Variants in CHST6 observed in about 807,000 individuals in gnomAD.
CHST6 encodes N-acetylglucosamine 6-O-sulfotransferase 5.
For missense variants in CHST6, 698 were observed against 586.2 expected (o/e 1.19, Z -1.97); for synonymous variants, 309 against 276.4 (o/e 1.12, Z -1.17).
chr16:75,474,583 T>C lies in CHST6; in HGVS notation c.*4058A>G. The C allele has an allele frequency of 2.5e-6, 1 of 398,536 alleles. No individual in the cohort carries two copies. The highest frequency in any genetic ancestry group is 1.3e-4 in the South Asian group (1 of 7,854). The allele number at this position is 398,536 out of a possible 1,614,324, so 24.7% of individuals were successfully genotyped here. On this transcript the variant is annotated 3_prime_UTR_variant, in exon 3 of 3. Transcript: ENST00000332272. ...GAGCCACTGAACCCAGCAAGGGTCA[T>C]ATATAATAAATAGAAGTGTATTGGC...
Position 75,479,176 on chromosome 16 carries a change from A to G in CHST6, c.653T>C (p.Leu218Pro), listed in dbSNP as rs1329556823. 1.1e-5 allele frequency: 17 copies of G among 1,608,186 alleles called. No individual in the cohort carries two copies. The highest frequency in any genetic ancestry group is 1.4e-5 in the Non-Finnish European group (16 of 1,179,044). Residue 218 changes from leucine (L) to proline (P), a missense_variant, in exon 3 of 3, where the codon CTG (leucine) becomes CCG (proline). By Grantham distance (98) the Leu-to-Pro change is moderately conservative. Coordinates refer to ENST00000332272, the MANE Select transcript of CHST6 (RefSeq NM_021615.5). ...CAGCACGATGCCGTTGTCACGCGCC[A>G]GAGCCTTGGCTGTCTGCTCCCGGGA... ...LRSREQTAKA[L>P]ARDNGIVLGT...
At chr16:75,489,378 A>G in intron 1 of CHST6, among the ~76,000 whole-genome samples, 1 of 150,166 alleles carries the variant, frequency 6.7e-6, no homozygotes, top group African/African-American at 2.5e-5. Context: ...CAGCCTGGGC[A>G]ACAAAGCAAG....
chr16:75,491,218 T>TATATATATATATATATAA (rs1384245947), intron 1 of CHST6, among the ~76,000 whole-genome samples: 1 of 97,672 alleles, frequency 1.0e-5, no homozygotes, highest in Non-Finnish European at 1.9e-5. Flanking sequence ...TATATATATA[T>TATATATATATATATATAA]AAAATATAAT....
chr16:75,487,754 G>C (rs181412446), intron 1 of CHST6, among the ~76,000 whole-genome samples: 1 of 145,514 alleles, frequency 6.9e-6, no homozygotes, highest in Non-Finnish European at 1.5e-5. Flanking sequence ...AGCTGAGATC[G>C]TGCCACTGCA....
chr16:75,486,400 A>G (rs2080198908), intron 1 of CHST6, among the ~76,000 whole-genome samples: 1 of 152,160 alleles, frequency 6.6e-6, no homozygotes, highest in Admixed American at 6.6e-5. Flanking sequence ...TCCCTGGGGA[A>G]TCACCCTCAC....
At chr16:75,492,771 G>GC (rs11418972) in intron 1 of CHST6, among the ~76,000 whole-genome samples, 79,129 of 151,892 alleles carry the variant, frequency 0.52, 23,914 homozygotes, top group African/African-American at 0.81. Context: ...AATCACTGGA[G>GC]CCAGGAGTCC....
At chr16:75,491,892 C>G (rs867667469) in intron 1 of CHST6, among the ~76,000 whole-genome samples, 9 of 152,094 alleles carry the variant, frequency 5.9e-5, no homozygotes, top group Non-Finnish European at 1.3e-4. Flanking sequence ...ATGAATTACC[C>G]GCTCTGCACT....
chr16:75,476,480 G>A lies in CHST6; in HGVS notation c.*2161C>T, dbSNP rs1194253798. ...GCAGGAGAATTGCTTGAACTCAGGA[G>A]GCAGAGAGAGGCAGAGGTTGCAGTG... On this transcript the variant is annotated 3_prime_UTR_variant, in exon 3 of 3. Transcript: ENST00000332272. 1 of 148,024 alleles carries A rather than the reference G, an allele frequency of 6.8e-6. No homozygotes were observed. Among genetic ancestry groups the A allele is most frequent in the Non-Finnish European group, 1.5e-5 (1 of 67,384 alleles). The allele number at this position is 148,024 out of a possible 1,614,324, so 9.2% of individuals were successfully genotyped here.
chr16:75,484,578 G>A (rs1461012796), intron 1 of CHST6, among the ~76,000 whole-genome samples: 1 of 152,102 alleles, frequency 6.6e-6, no homozygotes, highest in Non-Finnish European at 1.5e-5. Flanking sequence ...AGCCACGCAT[G>A]GTGGCTCACG....
At position 75,479,680 on chromosome 16, in the gene CHST6, C is replaced by T. The variant is rs778668750; in HGVS notation, c.149G>A (p.Arg50His). 3.7e-6 allele frequency: 6 copies of T among 1,612,314 alleles called. No individual in the cohort carries two copies. The highest frequency in any genetic ancestry group is 5.1e-6 in the Non-Finnish European group (6 of 1,179,568). Residue 50 changes from arginine (R) to histidine (H), a missense_variant, in exon 3 of 3, where the codon CGC (arginine) becomes CAC (histidine). Coordinates refer to ENST00000332272, the MANE Select transcript of CHST6 (RefSeq NM_021615.5). ...TTGGCCCACGAAGGACGAGCCCGAG[C>T]GCCACGAGGACAGCACCAGCACATG... ...RVHVLVLSSW[R>H]SGSSFVGQLF...
chr16:75,479,951 C>G (rs2080121619), intron 2 of CHST6, 107 bp from the exon 3 acceptor site: 7 of 915,522 alleles, frequency 7.6e-6, no homozygotes, highest in Non-Finnish European at 9.8e-6. Flanking sequence ...ACCCGAGCAT[C>G]CCATGAACAT....
At chr16:75,493,157 T>C (rs1276223975) in intron 1 of CHST6, among the ~76,000 whole-genome samples, 2 of 152,060 alleles carry the variant, frequency 1.3e-5, no homozygotes, top group Admixed American at 1.3e-4. Context: ...TGAATCCCAC[T>C]TGACCATTTA....
In CHST6 at chr16:75,479,355, G is replaced by A. The variant is rs2080109461; in HGVS notation, c.474C>T (p.Phe158=). 1.2e-6 allele frequency: 2 copies of A among 1,612,656 alleles called. No homozygotes were observed. Among genetic ancestry groups the A allele is most frequent in the South Asian group, 1.1e-5 (1 of 91,084 alleles). The change falls in exon 3 of 3, where the codon TTC becomes TTT. Residue 158 remains phenylalanine, a synonymous_variant. Coordinates refer to ENST00000332272, the MANE Select transcript of CHST6 (RefSeq NM_021615.5). ...AGCGGCAGGCCTCCCGGGCCAGGGTGAAGGACTGCCGCGCGCACAGTGGCT... is the reference window on the plus strand; with the variant it reads ...AGCGGCAGGCCTCCCGGGCCAGGGTAAAGGACTGCCGCGCGCACAGTGGCT... ...VCKPLCARQS[F]TLAREACRSY...
chr16:75,478,534 A>G lies in CHST6; in HGVS notation c.*107T>C. Reference sequence around the variant, plus strand: ...CTTGGGGAGGGGGAGGGGTCGTACCACAAACTCCTTGGTCAATATAGGGAC... The same window carrying G: ...CTTGGGGAGGGGGAGGGGTCGTACCGCAAACTCCTTGGTCAATATAGGGAC... On this transcript the variant is annotated 3_prime_UTR_variant, in exon 3 of 3. Coordinates refer to ENST00000332272, the MANE Select transcript of CHST6 (RefSeq NM_021615.5). The G allele has an allele frequency of 8.6e-7, 1 of 1,158,130 alleles. No individual in the cohort carries two copies. 71.7% of individuals were successfully genotyped at this position (1,158,130 alleles called of 1,614,324 possible).
Position 75,475,242 on chromosome 16 carries a change from C to T in CHST6, c.*3399G>A, listed in dbSNP as rs2080054659. 1 of 152,260 alleles carries T rather than the reference C, an allele frequency of 6.6e-6. No individual in the cohort carries two copies. The highest frequency in any genetic ancestry group is 6.5e-5 in the Admixed American group (1 of 15,284). 9.4% of individuals were successfully genotyped at this position (152,260 alleles called of 1,614,324 possible). On this transcript the variant is annotated 3_prime_UTR_variant, in exon 3 of 3. Transcript: ENST00000332272. ...ATCACAGCAGAGCCCCAGCTGAAAA[C>T]CTAAGACAGGTGGAGGTAAAGTTTT...
At chr16:75,480,073 C>CATGTGAGTCCTACCTTCTTA (rs376020485) in intron 2 of CHST6, among the ~76,000 whole-genome samples, 30 of 152,098 alleles carry the variant, frequency 2.0e-4, no homozygotes, top group South Asian at 6.2e-4. Flanking sequence ...AATCTGTCTA[C>CATGTGAGTCCTACCTTCTTA]ATGTGAGTCC....
intron 1 of CHST6, among the ~76,000 whole-genome samples, chr16:75,491,190 A>AAATATATATAT (rs1206595857): frequency 8.8e-4 from 44 of 50,040 alleles, no homozygotes; most frequent in South Asian, 3.2e-3. Flanking sequence ...AAAAAAAAAA[A>AAATATATATAT]ATATATATAT....
At position 75,475,731 on chromosome 16, in the gene CHST6, G is replaced by T. The variant is rs1160859013; in HGVS notation, c.*2910C>A. On this transcript the variant is annotated 3_prime_UTR_variant, in exon 3 of 3. Coordinates refer to ENST00000332272, the MANE Select transcript of CHST6 (RefSeq NM_021615.5). Reference sequence around the variant, plus strand: ...CCAGTCAAGCATGTCCTGACACCTTGGGAGTCAGGGGAGAATGGATGGGTC... The same window carrying T: ...CCAGTCAAGCATGTCCTGACACCTTTGGAGTCAGGGGAGAATGGATGGGTC... The T allele has an allele frequency of 2.0e-5, 3 of 152,194 alleles. No homozygotes were observed. The highest frequency in any genetic ancestry group is 7.2e-5 in the African/African-American group (3 of 41,452). The allele number at this position is 152,194 out of a possible 1,614,324, so 9.4% of individuals were successfully genotyped here.
chr16:75,487,935 G>A lies in CHST6; in HGVS notation c.-91-6044C>T, dbSNP rs546681912. Among the ~76,000 whole-genome samples, 4 of 152,100 alleles carry A rather than the reference G, an allele frequency of 2.6e-5. No individual in the cohort carries two copies. In the South Asian group the frequency reaches 8.3e-4, roughly 32 times the overall value. ...CGCTGGAACCCAGGAGGCAGAGGTT[G>A]CAGTGAGCTCAGATCATGCCACTGC... On this transcript the variant is annotated intron_variant, in intron 1 of 2. Coordinates refer to ENST00000332272, the MANE Select transcript of CHST6 (RefSeq NM_021615.5).
Sources: allele counts gnomAD v4.1 joint callset (sites outside exome capture counted in the v4.1 genomes callset), GRCh38; gene constraint gnomAD v4.1.1; transcripts MANE v1.5; gene names NCBI Gene and HGNC (gene_info 2026-07-23, HGNC 2026-07-21).